The following ANKRD42 variants were observed in gnomAD, a reference collection of about 807,000 sequenced individuals.
ANKRD42 encodes the protein ankyrin repeat domain-containing protein 42.
Under a neutral mutation model 51.5 loss-of-function variants are expected in ANKRD42, and 43 were observed. The ratio of observed to expected loss-of-function variants is 0.83; its 90% CI spans 0.65 to 1.08. The LOEUF (loss-of-function observed/expected upper bound fraction) is 1.08, where lower values mean the gene tolerates loss of function less well. ANKRD42 is among the 50% of genes least tolerant of loss of function. The pLI is 0.00. For missense variants in ANKRD42, 608 were observed against 629.3 expected (o/e 0.97, Z 0.36); for synonymous variants, 203 against 213.0 (o/e 0.95, Z 0.41).
chr11:83,227,482 A>G (rs557779940), intron 6 of ANKRD42, among the ~76,000 whole-genome samples: 192 of 47,834 alleles, frequency 4.0e-3, no homozygotes, highest in Non-Finnish European at 6.4e-3. Flanking sequence ...TTGTGGTGAT[A>G]TGAGAGAGAA....
At chr11:83,228,231 CTTTTTTTTTTTTTTT>C (rs11403803) in intron 7 of ANKRD42, among the ~76,000 whole-genome samples, 41 of 59,014 alleles carry the variant, frequency 6.9e-4, no homozygotes, top group Middle Eastern at 0.012. Context: ...CTCTCTCTCT[CTTTTTTTTTTTTTTT>C]TTTTTTTTTT....
intron 2 of ANKRD42, among the ~76,000 whole-genome samples, chr11:83,203,531 C>G (rs1861952481): frequency 6.6e-6 from 1 of 151,452 alleles, no homozygotes; most frequent in Non-Finnish European, 1.5e-5. Flanking sequence ...ATAGCTGGGA[C>G]TACAGGCATG....
chr11:83,210,475 T>C, intron 4 of ANKRD42, 56 bp downstream of exon 4: 13 of 1,584,936 alleles, frequency 8.2e-6, no homozygotes, highest in Non-Finnish European at 1.1e-5. Flanking sequence ...GGAATAGCAT[T>C]TGGTAGTCTA....
At chr11:83,208,365 T>TTGTG (rs747551565) in intron 3 of ANKRD42, among the ~76,000 whole-genome samples, 242 of 150,402 alleles carry the variant, frequency 1.6e-3, no homozygotes, top group African/African-American at 5.5e-3. Flanking sequence ...GTGTGTGTGT[T>TTGTG]TGTGTGTGTG....
In ANKRD42 at chr11:83,194,319, C is replaced by T. The variant is rs186943399; in HGVS notation, c.-352C>T. ...ATAGAGTCAGTGACGATCGCAGTCG[C>T]CGCTTCAGTGGCTCCTGGGAGGGAG... On this transcript the variant is annotated 5_prime_UTR_variant, in exon 1 of 11. Coordinates refer to ENST00000533342, the MANE Select transcript of ANKRD42 (RefSeq NM_001300975.2). 1.3e-4 allele frequency: 67 copies of T among 521,284 alleles called. No homozygotes were observed. The highest frequency in any genetic ancestry group is 1.1e-3 in the African/African-American group (56 of 52,816). The allele number at this position is 521,284 out of a possible 1,614,324, so 32.3% of individuals were successfully genotyped here. A position where few individuals can be genotyped will look rare whatever the true frequency, so the allele number is the denominator to read the frequency against.
At chr11:83,245,732 G>A (rs374770191) in intron 10 of ANKRD42, 108 bp downstream of exon 10, 1 of 1,237,966 alleles carries the variant, frequency 8.1e-7, no homozygotes, top group Non-Finnish European at 1.1e-6. Flanking sequence ...AGGGTGTTAG[G>A]TTCCATCCTG....
intron 9 of ANKRD42, among the ~76,000 whole-genome samples, chr11:83,242,756 G>A (rs1863432303): frequency 6.6e-6 from 1 of 151,728 alleles, no homozygotes; most frequent in African/African-American, 2.4e-5. Flanking sequence ...AGTAGAGATG[G>A]GTTTCACCAT....
chr11:83,228,528 C>G (rs904044431), intron 7 of ANKRD42, among the ~76,000 whole-genome samples: 2 of 152,068 alleles, frequency 1.3e-5, no homozygotes, highest in Non-Finnish European at 2.9e-5. Flanking sequence ...CATGCCTGGC[C>G]TGATGGCAGG....
exon 12 of ANKRD42, chr11:83,256,057 G>A: frequency 1.5e-6 from 1 of 649,676 alleles, no homozygotes; most frequent in Non-Finnish European, 2.4e-6. Flanking sequence ...AATTCTGATG[G>A]CAGAAATGTT....
chr11:83,255,986 AT>A (rs1391977346), exon 12 of ANKRD42: 4 of 1,313,934 alleles, frequency 3.0e-6, no homozygotes, highest in Non-Finnish European at 4.1e-6. Context: ...CATTAAAAAA[AT>A]TGATATAAAT....
At chr11:83,225,911 T>C (rs949254950) in intron 6 of ANKRD42, among the ~76,000 whole-genome samples, 20 of 152,056 alleles carry the variant, frequency 1.3e-4, no homozygotes, top group African/African-American at 4.8e-4. Flanking sequence ...CATTCCATTC[T>C]GTGGTTTTAT....
chr11:83,254,614 G>A (rs1197137490), intron 11 of ANKRD42, among the ~76,000 whole-genome samples: 2 of 151,596 alleles, frequency 1.3e-5, no homozygotes, highest in African/African-American at 4.8e-5. Context: ...TATTTTTAGC[G>A]GAGATAGGGT....
intron 5 of ANKRD42, among the ~76,000 whole-genome samples, chr11:83,224,576 A>G (rs929142153): frequency 1.3e-5 from 2 of 152,208 alleles, no homozygotes; most frequent in Admixed American, 6.5e-5. Flanking sequence ...TATAAGGAAT[A>G]GAGCTAATGT....
chr11:83,194,773 T>G, intron 1 of ANKRD42, 45 bp downstream of exon 1: 1 of 1,523,914 alleles, frequency 6.6e-7, no homozygotes. Flanking sequence ...GTATTCCTTT[T>G]CTCACTTAAG....
Position 83,237,517 on chromosome 11 carries a change from A to G in ANKRD42, c.1019+1008A>G, listed in dbSNP as rs548476223. Among the ~76,000 whole-genome samples, 5 of 152,276 alleles carry G rather than the reference A, an allele frequency of 3.3e-5. No individual in the cohort carries two copies. In the South Asian group the frequency reaches 1.0e-3, roughly 32 times the overall value. ...TTAGAAGGCTGGAATCTAAACTAGG[A>G]GTGTGGGCTAACAATGGCAGATGAG... On this transcript the variant is annotated intron_variant, in intron 8 of 10. Transcript: ENST00000533342.
chr11:83,238,965 C>T (rs990314778), intron 8 of ANKRD42, among the ~76,000 whole-genome samples: 1 of 151,550 alleles, frequency 6.6e-6, no homozygotes, highest in Non-Finnish European at 1.5e-5. Flanking sequence ...GCCTAGATCG[C>T]ACCACAGCAC....
chr11:83,217,755 G>A, intron 5 of ANKRD42, among the ~76,000 whole-genome samples: 1 of 152,218 alleles, frequency 6.6e-6, no homozygotes, highest in African/African-American at 2.4e-5. Flanking sequence ...TGAGGAGGCG[G>A]TTTGTTTCTG....
At chr11:83,249,094 C>A, downstream of ANKRD42, 1 of 645,328 alleles carries the variant, frequency 1.5e-6, no homozygotes, top group Non-Finnish European at 1.9e-6. Context: ...GACACAGCAC[C>A]ATTTATAACT....
At chr11:83,244,173 G>C (rs1249070631) in intron 9 of ANKRD42, among the ~76,000 whole-genome samples, 1 of 151,784 alleles carries the variant, frequency 6.6e-6, no homozygotes, top group Admixed American at 6.6e-5. Context: ...TAGAGATGGG[G>C]TTTCACCATG....
Sources: allele counts gnomAD v4.1 joint callset (sites outside exome capture counted in the v4.1 genomes callset), GRCh38; gene constraint gnomAD v4.1.1; transcripts MANE v1.5; gene names NCBI Gene and HGNC (gene_info 2026-07-23, HGNC 2026-07-21).